MACROD2: variants seen among roughly 807,000 people sequenced by gnomAD.
The protein encoded by MACROD2 is ADP-ribose glycohydrolase MACROD2.
In MACROD2, 36 loss-of-function variants were observed where a neutral mutation model predicts 70.4. The ratio of observed to expected loss-of-function variants is 0.51; its 90% CI spans 0.39 to 0.68. The LOEUF is 0.68. Among genes scored for constraint, MACROD2 ranks in the 30% least tolerant of loss-of-function variants. The probability of loss-of-function intolerance (pLI) is 0.00; values close to 1 mark genes in which losing one functional copy is unlikely to be tolerated. For missense variants in MACROD2, 496 were observed against 538.4 expected (o/e 0.92, Z 0.78); for synonymous variants, 172 against 178.8 (o/e 0.96, Z 0.30).
intron 4 of MACROD2, among the ~76,000 whole-genome samples, chr20:14,616,773 G>T (rs910716255): frequency 6.6e-6 from 1 of 151,988 alleles, no homozygotes; most frequent in African/African-American, 2.4e-5. Flanking sequence ...TTTTCATTAT[G>T]AAAGAACTTT....
chr20:14,257,904 C>G (rs1487336955), intron 3 of MACROD2, among the ~76,000 whole-genome samples: 1 of 152,068 alleles, frequency 6.6e-6, no homozygotes, highest in Non-Finnish European at 1.5e-5. Context: ...CTTTCCCCAG[C>G]ATCCCCAAAG....
chr20:14,235,039 TTCTG>T (rs368911168), intron 3 of MACROD2, among the ~76,000 whole-genome samples: 69 of 152,294 alleles, frequency 4.5e-4, no homozygotes, highest in African/African-American at 1.5e-3. Context: ...CCCACACTGT[TTCTG>T]TCTATTTATA....
At chr20:14,506,775 C>A (rs1188654354) in intron 4 of MACROD2, among the ~76,000 whole-genome samples, 1 of 152,038 alleles carries the variant, frequency 6.6e-6, no homozygotes, top group African/African-American at 2.4e-5. Context: ...ACAGTGAAAC[C>A]CTGCCTCCAC....
chr20:14,657,689 A>C (rs567580969), intron 4 of MACROD2, among the ~76,000 whole-genome samples: 2 of 152,230 alleles, frequency 1.3e-5, no homozygotes, highest in Non-Finnish European at 2.9e-5. Context: ...AGTGTAGAAC[A>C]TATGAAAAGC....
intron 5 of MACROD2, among the ~76,000 whole-genome samples, chr20:14,852,691 C>G (rs931885107): frequency 6.6e-6 from 1 of 152,120 alleles, no homozygotes; most frequent in African/African-American, 2.4e-5. Flanking sequence ...TCAGCCTGAC[C>G]TGGGGCATAG....
chr20:15,558,700 T>C (rs75445814), intron 8 of MACROD2, among the ~76,000 whole-genome samples: 3,535 of 152,296 alleles, frequency 0.023, 137 homozygotes, highest in African/African-American at 0.079. Context: ...CTTCCTCCCA[T>C]TGGCTGAGCT....
At chr20:15,769,307 C>T (rs2051583119) in intron 8 of MACROD2, among the ~76,000 whole-genome samples, 1 of 152,028 alleles carries the variant, frequency 6.6e-6, no homozygotes, top group Admixed American at 6.6e-5. Flanking sequence ...GCCACCACGC[C>T]CGGCTAATTT....
chr20:14,262,090 G>A (rs1379650996), intron 3 of MACROD2, among the ~76,000 whole-genome samples: 1 of 152,144 alleles, frequency 6.6e-6, no homozygotes, highest in Non-Finnish European at 1.5e-5. Flanking sequence ...CACAAACAAG[G>A]ACATGGAGAG....
In MACROD2 at chr20:15,867,663, A is replaced by G. The variant is rs74179789; in HGVS notation, c.727+4837A>G. On this transcript the variant is annotated intron_variant, in intron 9 of 17. Transcript: ENST00000684519. Reference sequence around the variant, plus strand: ...AAAAATTAAAAAAAGAAAAGAAAAGACAATTCCCGATCTGGAATGTGGAAG... The same window carrying G: ...AAAAATTAAAAAAAGAAAAGAAAAGGCAATTCCCGATCTGGAATGTGGAAG... 2.6e-5 allele frequency among the ~76,000 whole-genome samples: 4 copies of G among 152,286 alleles called. No homozygotes were observed. In the South Asian group the frequency reaches 8.3e-4, roughly 32 times the overall value.
intron 3 of MACROD2, among the ~76,000 whole-genome samples, chr20:14,469,732 G>C (rs1007856048): frequency 6.6e-6 from 1 of 151,544 alleles, no homozygotes; most frequent in Non-Finnish European, 1.5e-5. Context: ...TATTGATAAG[G>C]TATCATGCTT....
At chr20:15,693,865 CCT>C (rs1171355564) in intron 8 of MACROD2, among the ~76,000 whole-genome samples, 2 of 137,832 alleles carry the variant, frequency 1.5e-5, no homozygotes, top group Non-Finnish European at 3.1e-5. Context: ...CCCTTGCCCC[CCT>C]CTCTCTCTTC....
At chr20:15,904,611 G>A (rs2065115328) in intron 10 of MACROD2, among the ~76,000 whole-genome samples, 2 of 151,976 alleles carry the variant, frequency 1.3e-5, no homozygotes, top group South Asian at 4.2e-4. Flanking sequence ...GAAAGAAAGA[G>A]GCCAGGCGCG....
At chr20:15,010,826 G>T (rs1600944300) in intron 5 of MACROD2, among the ~76,000 whole-genome samples, 1 of 152,112 alleles carries the variant, frequency 6.6e-6, no homozygotes, top group Non-Finnish European at 1.5e-5. Flanking sequence ...CCAATGTCTT[G>T]CTTGTATCAG....
intron 9 of MACROD2, among the ~76,000 whole-genome samples, chr20:15,875,209 T>G (rs1160868900): frequency 6.6e-6 from 1 of 152,146 alleles, no homozygotes; most frequent in African/African-American, 2.4e-5. Context: ...GTTTGTGTTG[T>G]TAGTAGAAAT....
chr20:15,837,692 T>G (rs1430870949), intron 8 of MACROD2, among the ~76,000 whole-genome samples: 1 of 152,156 alleles, frequency 6.6e-6, no homozygotes, highest in African/African-American at 2.4e-5. Context: ...ACAAAACAAT[T>G]TTATTAACAT....
chr20:15,946,437 G>T (rs930166148), intron 12 of MACROD2, among the ~76,000 whole-genome samples: 3 of 152,056 alleles, frequency 2.0e-5, no homozygotes, highest in African/African-American at 7.2e-5. Context: ...GGTGAGGGGG[G>T]TGGTGCATGC....
chr20:15,188,353 A>G (rs2076547246), intron 5 of MACROD2, among the ~76,000 whole-genome samples: 1 of 152,194 alleles, frequency 6.6e-6, no homozygotes, highest in Non-Finnish European at 1.5e-5. Context: ...ACAATAAAAT[A>G]TCCATAATGG....
chr20:14,528,141 C>T (rs1394530173), intron 4 of MACROD2, among the ~76,000 whole-genome samples: 2 of 149,234 alleles, frequency 1.3e-5, no homozygotes, highest in Admixed American at 1.3e-4. Flanking sequence ...TGGAGTTTCA[C>T]CCTCATTGCC....
At chr20:15,402,307 G>C (rs146564794) in intron 6 of MACROD2, among the ~76,000 whole-genome samples, 1 of 152,162 alleles carries the variant, frequency 6.6e-6, no homozygotes, top group Non-Finnish European at 1.5e-5. Flanking sequence ...ACTTGGCTGT[G>C]TATATCCTAT....
Sources: allele counts gnomAD v4.1 joint callset (sites outside exome capture counted in the v4.1 genomes callset), GRCh38; gene constraint gnomAD v4.1.1; transcripts MANE v1.5; gene names NCBI Gene and HGNC (gene_info 2026-07-23, HGNC 2026-07-21).